The following ST18 variants were observed in gnomAD, a reference collection of about 807,000 sequenced individuals.
The protein encoded by ST18 is suppression of tumorigenicity 18 protein.
Under a neutral mutation model 110.0 loss-of-function variants are expected in ST18, and 50 were observed. The ratio of observed to expected loss-of-function variants is 0.45; its 90% CI spans 0.36 to 0.58. ST18 has a LOEUF of 0.58. ST18 is among the 20% of genes least tolerant of loss of function. ST18 has a pLI of 0.00. For synonymous variants in ST18, 461 were observed against 452.4 expected (o/e 1.02, Z -0.24); for missense variants, 1,306 against 1,280.1 (o/e 1.02, Z -0.31).
intron 2 of ST18, among the ~76,000 whole-genome samples, chr8:52,402,953 C>A (rs1392118728): frequency 6.6e-6 from 1 of 152,136 alleles, no homozygotes; most frequent in Non-Finnish European, 1.5e-5. Flanking sequence ...CTGAAGAGCA[C>A]ACTGCCATAA....
chr8:52,320,810 A>C (rs1803558023), intron 2 of ST18, among the ~76,000 whole-genome samples: 1 of 152,182 alleles, frequency 6.6e-6, no homozygotes, highest in Non-Finnish European at 1.5e-5. Flanking sequence ...CTTATGACCC[A>C]ACCATTCACC....
intron 16 of ST18, among the ~76,000 whole-genome samples, chr8:52,147,585 G>A (rs996845612): frequency 1.1e-4 from 16 of 152,038 alleles, no homozygotes; most frequent in Admixed American, 9.8e-4. Flanking sequence ...TAATCATAAG[G>A]ATGAGTGCAG....
intron 2 of ST18, among the ~76,000 whole-genome samples, chr8:52,277,887 C>T (rs191144870): frequency 5.3e-5 from 8 of 152,120 alleles, no homozygotes; most frequent in African/African-American, 1.9e-4. Flanking sequence ...GTTATCAGAA[C>T]AACCACACAG....
intron 2 of ST18, among the ~76,000 whole-genome samples, chr8:52,272,498 C>A (rs1393738596): frequency 1.3e-5 from 2 of 152,040 alleles, no homozygotes; most frequent in Non-Finnish European, 2.9e-5. Flanking sequence ...CAGGGAAATG[C>A]AAATTAAAAT....
chr8:52,136,805 T>C, intron 18 of ST18, 147 bp from the exon 19 acceptor site: 3 of 700,920 alleles, frequency 4.3e-6, no homozygotes, highest in Non-Finnish European at 7.1e-6. Context: ...CTGGCTTTGC[T>C]CTTCTCGCCA....
In ST18 at chr8:52,147,958, T is replaced by C. The variant is rs548266113; in HGVS notation, c.2052+1774A>G. Among the ~76,000 whole-genome samples the C allele has an allele frequency of 3.9e-5, 6 of 152,296 alleles. No homozygotes were observed. The East Asian group carries it at 1.2e-3, about 29-fold the overall frequency. On this transcript the variant is annotated intron_variant, in intron 16 of 25. Transcript: ENST00000689386. ...ACCTGTCCACTTCCTGGCTTGCTGC[T>C]TACTTCCATTTCAGACAAGATGTGC...
At chr8:52,367,201 G>GCACT (rs1415422611) in intron 2 of ST18, among the ~76,000 whole-genome samples, 55 of 148,652 alleles carry the variant, frequency 3.7e-4, no homozygotes, top group Non-Finnish European at 6.9e-4. Flanking sequence ...TCGTGCCAGT[G>GCACT]CACTCCAGCC....
rs2040981357 is a variant in ST18, at chr8:52,113,058, G to A, written c.*140C>T. ...TTTCTTTCCTTTTTATATCAGCTGG[G>A]GAAAATAAAATTAGTGCAATGTTGC... On this transcript the variant is annotated 3_prime_UTR_variant, in exon 26 of 26. Transcript: ENST00000689386. 1.1e-6 allele frequency: 1 copy of A among 929,770 alleles called. No individual in the cohort carries two copies. The highest frequency in any genetic ancestry group is 1.5e-6 in the Non-Finnish European group (1 of 678,696). 57.6% of individuals were successfully genotyped at this position (929,770 alleles called of 1,614,324 possible).
At chr8:52,257,671 A>G (rs997189102) in intron 2 of ST18, among the ~76,000 whole-genome samples, 3 of 152,058 alleles carry the variant, frequency 2.0e-5, no homozygotes, top group African/African-American at 4.8e-5. Context: ...CTCTTTCTAT[A>G]TGTATTCTAG....
chr8:52,300,672 A>G (rs1589728700), intron 2 of ST18, among the ~76,000 whole-genome samples: 1 of 152,236 alleles, frequency 6.6e-6, no homozygotes, highest in South Asian at 2.1e-4. Context: ...TGAAATTTAC[A>G]TTTCAGTGTT....
At position 52,110,877 on chromosome 8, in the gene ST18, C is replaced by T. The variant is rs2129762096; in HGVS notation, c.*2321G>A. 1.0e-5 allele frequency: 4 copies of T among 387,880 alleles called. No homozygotes were observed. Among genetic ancestry groups the T allele is most frequent in the Non-Finnish European group, 1.8e-5 (4 of 219,202 alleles). 24.0% of individuals were successfully genotyped at this position (387,880 alleles called of 1,614,324 possible). ...TATTTCCTACCATACACCAAATGTA[C>T]AGCACTGAACACAATTTTGTTGCTT... On this transcript the variant is annotated 3_prime_UTR_variant, in exon 26 of 26. Coordinates refer to ENST00000689386, the MANE Select transcript of ST18 (RefSeq NM_001352837.2).
At chr8:52,275,460 T>C (rs2095214145) in intron 2 of ST18, among the ~76,000 whole-genome samples, 2 of 152,218 alleles carry the variant, frequency 1.3e-5, no homozygotes, top group South Asian at 4.1e-4. Flanking sequence ...TGTCATATCA[T>C]CAAGCTTTGC....
rs1214509998 is a variant in ST18, at chr8:52,176,274, C to T, written c.278-3691G>A. Reference sequence around the variant, plus strand: ...TCCTGACCTCGTGATCCGCCCGCCTCGGCCTCCCAAAGTGCTGGGTTACAG... The same window carrying T: ...TCCTGACCTCGTGATCCGCCCGCCTTGGCCTCCCAAAGTGCTGGGTTACAG... On this transcript the variant is annotated intron_variant, in intron 9 of 25. Coordinates refer to ENST00000689386, the MANE Select transcript of ST18 (RefSeq NM_001352837.2). 4.6e-5 allele frequency among the ~76,000 whole-genome samples: 7 copies of T among 152,290 alleles called. No individual in the cohort carries two copies. In the East Asian group the frequency reaches 5.8e-4, roughly 13 times the overall value.
intron 2 of ST18, among the ~76,000 whole-genome samples, chr8:52,244,158 G>A (rs2093661433): frequency 6.6e-6 from 1 of 152,106 alleles, no homozygotes; most frequent in Non-Finnish European, 1.5e-5. Context: ...GACGGGCCAT[G>A]GTGAGACTGA....
intron 3 of ST18, among the ~76,000 whole-genome samples, chr8:52,224,311 T>C (rs1041952130): frequency 3.9e-5 from 6 of 152,232 alleles, no homozygotes; most frequent in Admixed American, 1.3e-4. Flanking sequence ...ATTGGTATTT[T>C]CAACATAGCA....
At chr8:52,254,128 C>G (rs57350608) in intron 2 of ST18, 44,591 of 151,850 alleles carry the variant, frequency 0.29, 6,697 homozygotes, top group Middle Eastern at 0.45. Flanking sequence ...TTGCTAACAT[C>G]CACCCCCCCT....
At chr8:52,277,485 T>TCATG (rs1236912052) in intron 2 of ST18, among the ~76,000 whole-genome samples, 10 of 152,228 alleles carry the variant, frequency 6.6e-5, no homozygotes, top group Middle Eastern at 3.2e-3. Context: ...AAGGAAAGAA[T>TCATG]GTACCATATC....
intron 22 of ST18, among the ~76,000 whole-genome samples, chr8:52,130,122 A>AGAAAGAAAGAAAGAAAGAAC (rs1563563056): frequency 2.0e-5 from 2 of 97,762 alleles, no homozygotes; most frequent in African/African-American, 7.4e-5. Flanking sequence ...AAGAAAGAAA[A>AGAAAGAAAGAAAGAAAGAAC]GAAAGAAAGA....
intron 2 of ST18, among the ~76,000 whole-genome samples, chr8:52,327,723 G>C (rs1006873936): frequency 6.6e-6 from 1 of 152,172 alleles, no homozygotes; most frequent in African/African-American, 2.4e-5. Flanking sequence ...ACCCAGCTGA[G>C]TGCAGTAAGT....
Sources: gnomAD v4.1 joint callset for allele counts (sites outside exome capture counted in the v4.1 genomes callset) on GRCh38, gnomAD v4.1.1 for gene constraint, MANE v1.5 for transcripts, NCBI Gene and HGNC (gene_info 2026-07-23, HGNC 2026-07-21) for gene names.